Variants in CACNB2 observed in about 807,000 individuals in gnomAD.
The protein encoded by CACNB2 is voltage-dependent L-type calcium channel subunit beta-2.
A neutral mutation model predicts 73.3 loss-of-function variants in CACNB2; 42 were observed. The observed-to-expected ratio is 0.57, with a 90% confidence interval of 0.45 to 0.74. The LOEUF (loss-of-function observed/expected upper bound fraction) is 0.74, where lower values mean the gene tolerates loss of function less well. Among genes scored for constraint, CACNB2 ranks in the 30% least tolerant of loss-of-function variants. The probability of loss-of-function intolerance (pLI) is 0.00; values close to 1 mark genes in which losing one functional copy is unlikely to be tolerated. For synonymous variants in CACNB2, 348 were observed against 310.3 expected (o/e 1.12, Z -1.28); for missense variants, 940 against 853.0 (o/e 1.10, Z -1.27).
intron 2 of CACNB2, among the ~76,000 whole-genome samples, chr10:18,284,950 G>A (rs1005171949): frequency 9.9e-5 from 15 of 152,060 alleles, no homozygotes; most frequent in African/African-American, 2.2e-4. Context: ...TATCCAAGAC[G>A]AACATAAGAA....
At chr10:18,156,090 G>A (rs1163098884) in intron 2 of CACNB2, among the ~76,000 whole-genome samples, 2 of 152,022 alleles carry the variant, frequency 1.3e-5, no homozygotes, top group Admixed American at 6.6e-5. Flanking sequence ...TGAATATATT[G>A]TAACATCAGC....
intron 3 of CACNB2, among the ~76,000 whole-genome samples, chr10:18,488,221 A>AAC (rs912087572): frequency 1.3e-5 from 2 of 151,630 alleles, no homozygotes; most frequent in African/African-American, 4.8e-5. Context: ...GACGCCTGTA[A>AAC]TCCCAGCATT....
chr10:18,457,066 G>C (rs1207774803), intron 3 of CACNB2, among the ~76,000 whole-genome samples: 1 of 149,670 alleles, frequency 6.7e-6, no homozygotes, highest in African/African-American at 2.4e-5. Context: ...TATGAGCATG[G>C]GTGCACAAAT....
rs531430944 is a variant in CACNB2 at position 18,335,218 on chromosome 10, A to G, written c.214-66706A>G. On this transcript the variant is annotated intron_variant, in intron 2 of 13. Transcript: ENST00000324631. The stretch of plus-strand genomic sequence containing the variant: ...TCTATTCTCTTAACACTGGCAAGTG[A>G]CCAAATTGTCTTGGATTTCTTATTT... Among the ~76,000 whole-genome samples, 16 of 152,144 alleles carry G rather than the reference A, an allele frequency of 1.1e-4. No individual in the cohort carries two copies. In the South Asian group the frequency reaches 2.3e-3, roughly 22 times the overall value.
At chr10:18,440,518 A>G (rs1381614007) in intron 3 of CACNB2, among the ~76,000 whole-genome samples, 9 of 152,136 alleles carry the variant, frequency 5.9e-5, no homozygotes, top group African/African-American at 2.2e-4. Flanking sequence ...AAAATCAAAA[A>G]TTAACTGGCA....
chr10:18,530,494 T>G (rs1466464661), intron 10 of CACNB2, among the ~76,000 whole-genome samples: 2 of 128,776 alleles, frequency 1.6e-5, no homozygotes, highest in African/African-American at 5.9e-5. Context: ...TATAATAAAA[T>G]GCAAGAAGTA....
intron 2 of CACNB2, among the ~76,000 whole-genome samples, chr10:18,269,524 A>G (rs184153860): frequency 6.6e-6 from 1 of 152,374 alleles, no homozygotes. Context: ...CTCAAAAGAA[A>G]GAAAATCTGA....
intron 2 of CACNB2, among the ~76,000 whole-genome samples, chr10:18,213,967 T>A (rs889365576): frequency 3.0e-4 from 45 of 152,336 alleles, no homozygotes; most frequent in African/African-American, 1.1e-3. Context: ...CCTGATTGAT[T>A]TGTATTTATT....
At chr10:18,403,093 G>GTAC in intron 3 of CACNB2, among the ~76,000 whole-genome samples, 1 of 152,274 alleles carries the variant, frequency 6.6e-6, no homozygotes. Context: ...CTAAAAAGCA[G>GTAC]TACTTTTGTA....
intron 2 of CACNB2, among the ~76,000 whole-genome samples, chr10:18,354,236 A>G (rs2041824644): frequency 6.6e-6 from 1 of 152,220 alleles, no homozygotes; most frequent in Non-Finnish European, 1.5e-5. Flanking sequence ...GGTATTAATC[A>G]TTTAACAAAC....
intron 2 of CACNB2, among the ~76,000 whole-genome samples, chr10:18,367,646 A>G (rs1031094239): frequency 6.6e-6 from 1 of 152,336 alleles, no homozygotes; most frequent in East Asian, 1.9e-4. Flanking sequence ...TTCTCAAGAC[A>G]TAAAATTATG....
rs113710483 is a variant in CACNB2, at chr10:18,378,964, C to G, written c.214-22960C>G. Among the ~76,000 whole-genome samples the G allele has an allele frequency of 5.9e-3, 896 of 152,298 alleles. 10 individuals carry two copies. Among genetic ancestry groups the G allele is most frequent in the African/African-American group, 0.02 (833 of 41,558 alleles). ...TTCTAGGTGCTGGGGGCCAACAGCA[C>G]AGACCAGTGTTCCAAAGCCAGGAAC... On this transcript the variant is annotated intron_variant, in intron 2 of 13. Transcript: ENST00000324631.
At chr10:18,151,554 A>T (rs1022815404) in intron 2 of CACNB2, among the ~76,000 whole-genome samples, 1 of 152,126 alleles carries the variant, frequency 6.6e-6, no homozygotes, top group African/African-American at 2.4e-5. Context: ...CAGTCCCCTA[A>T]ACAGACAGTG....
rs1060504915 is a variant in CACNB2, at chr10:18,538,341, C to T, written c.1464C>T (p.Ser488=). The change falls in exon 13 of 14, where the codon AGC becomes AGT. Residue 488 remains serine, a synonymous_variant. Coordinates refer to ENST00000324631, the MANE Select transcript of CACNB2 (RefSeq NM_201596.3). ...RTLATSSLPL[S]PTLASNSQGS... is the part of the protein sequence containing the mutation. ...TAGCCACTTCAAGTCTGCCTCTTAG[C>T]CCCACCCTAGCCTCTAATTCACAGG... 2.4e-5 allele frequency: 39 copies of T among 1,613,898 alleles called. No individual in the cohort carries two copies. The highest frequency in any genetic ancestry group is 3.2e-5 in the Non-Finnish European group (38 of 1,179,802).
At chr10:18,426,955 A>ATTTTTTTTTTTTTTTTTTTTT (rs551543429) in intron 3 of CACNB2, among the ~76,000 whole-genome samples, 1 of 81,656 alleles carries the variant, frequency 1.2e-5, no homozygotes, top group African/African-American at 5.4e-5. Flanking sequence ...CCTTTTCTAC[A>ATTTTTTTTTTTTTTTTTTTTT]TTTTTTTTTT....
intron 12 of CACNB2, 40 bp downstream of exon 12, chr10:18,536,236 A>G: frequency 2.2e-6 from 1 of 464,820 alleles, no homozygotes; most frequent in Admixed American, 3.4e-5. Flanking sequence ...AGTTACAGAG[A>G]TCAGACCTTT....
chr10:18,335,338 G>A (rs556034896), intron 2 of CACNB2, among the ~76,000 whole-genome samples: 3 of 152,278 alleles, frequency 2.0e-5, no homozygotes, highest in East Asian at 1.9e-4. Context: ...GCTTTGGGAC[G>A]CCAAGGTGGG....
intron 2 of CACNB2, among the ~76,000 whole-genome samples, chr10:18,185,697 A>G (rs1196891284): frequency 6.6e-6 from 1 of 152,228 alleles, no homozygotes; most frequent in African/African-American, 2.4e-5. Context: ...GATGATCAGA[A>G]AGTAGAAATA....
chr10:18,532,697 C>CAAAAAAAAAAAAAAAAAAAAAAAAAAAA (rs1187679628), intron 10 of CACNB2, among the ~76,000 whole-genome samples: 1 of 125,112 alleles, frequency 8.0e-6, no homozygotes, highest in Non-Finnish European at 1.6e-5. Flanking sequence ...AAAAAAAAAA[C>CAAAAAAAAAAAAAAAAAAAAAAAAAAAA]AAAACAAAAA....
Sources: gnomAD v4.1 joint callset for allele counts (sites outside exome capture counted in the v4.1 genomes callset) on GRCh38, gnomAD v4.1.1 for gene constraint, MANE v1.5 for transcripts, NCBI Gene and HGNC (gene_info 2026-07-23, HGNC 2026-07-21) for gene names.